The following HTR4 variants were observed in gnomAD, a reference collection of about 807,000 sequenced individuals.
HTR4 encodes the protein 5-hydroxytryptamine receptor 4, also known as 5-hydroxytryptamine (serotonin) receptor 4, G protein-coupled.
In HTR4, 16 loss-of-function variants were observed where a neutral mutation model predicts 36.8. The ratio of observed to expected loss-of-function variants is 0.43; its 90% CI spans 0.29 to 0.66. HTR4 has a LOEUF of 0.66. HTR4 is among the 30% of genes least tolerant of loss of function. HTR4 has a pLI of 0.13. For missense variants in HTR4, 438 were observed against 490.9 expected (o/e 0.89, Z 1.02); for synonymous variants, 189 against 185.1 (o/e 1.02, Z -0.17).
At chr5:148,508,439 A>G (rs550952340) in intron 6 of HTR4, among the ~76,000 whole-genome samples, 1 of 152,184 alleles carries the variant, frequency 6.6e-6, no homozygotes, top group Non-Finnish European at 1.5e-5. Flanking sequence ...ATTTAACTCC[A>G]AAGTCACTTC....
At chr5:148,625,368 A>G (rs956268832) in intron 2 of HTR4, among the ~76,000 whole-genome samples, 2 of 152,220 alleles carry the variant, frequency 1.3e-5, no homozygotes, top group African/African-American at 4.8e-5. Flanking sequence ...GTAAAACCTC[A>G]TCAGTTCAAC....
At chr5:148,592,769 T>C (rs534031697) in intron 2 of HTR4, among the ~76,000 whole-genome samples, 55 of 152,156 alleles carry the variant, frequency 3.6e-4, no homozygotes, top group Non-Finnish European at 6.8e-4. Flanking sequence ...TATAAACTAA[T>C]TTATTTTCCT....
chr5:148,469,600 G>T (rs905757035), intron 5 of HTR4, among the ~76,000 whole-genome samples: 1 of 152,200 alleles, frequency 6.6e-6, no homozygotes, highest in Non-Finnish European at 1.5e-5. Context: ...GGTTGTGTTT[G>T]TTTGGTCAGA....
intron 5 of HTR4, among the ~76,000 whole-genome samples, chr5:148,466,737 T>C (rs928722642): frequency 2.6e-5 from 4 of 152,234 alleles, no homozygotes; most frequent in African/African-American, 9.6e-5. Flanking sequence ...ATATAAATAA[T>C]TCCTGGTATA....
intron 4 of HTR4, among the ~76,000 whole-genome samples, chr5:148,547,663 G>A (rs1167287304): frequency 1.3e-5 from 2 of 151,978 alleles, no homozygotes; most frequent in African/African-American, 2.4e-5. Flanking sequence ...GAGGCTGAAG[G>A]CTGAGGATAA....
intron 5 of HTR4, chr5:148,461,886 A>C (rs1224898167): frequency 1.3e-5 from 2 of 152,088 alleles, no homozygotes; most frequent in Non-Finnish European, 2.9e-5. Flanking sequence ...AACAAATGTA[A>C]AAGAATAGAA....
chr5:148,650,422 A>G (rs992294392), intron 1 of HTR4, among the ~76,000 whole-genome samples: 2 of 152,238 alleles, frequency 1.3e-5, no homozygotes, highest in African/African-American at 2.4e-5. Flanking sequence ...GGCTAGCCCT[A>G]TGAATAAGTC....
At chr5:148,465,416 CT>C (rs1205079176) in intron 5 of HTR4, among the ~76,000 whole-genome samples, 2 of 152,162 alleles carry the variant, frequency 1.3e-5, no homozygotes, top group East Asian at 3.9e-4. Context: ...CTTTAGAAAA[CT>C]TTTTTAAAAA....
intron 2 of HTR4, among the ~76,000 whole-genome samples, chr5:148,586,833 T>C (rs535491832): frequency 6.6e-6 from 1 of 152,346 alleles, no homozygotes; most frequent in East Asian, 1.9e-4. Flanking sequence ...AACTGATGAT[T>C]TGACTATGAG....
intron 4 of HTR4, among the ~76,000 whole-genome samples, chr5:148,538,036 TC>T (rs1758917583): frequency 6.6e-6 from 1 of 152,058 alleles, no homozygotes; most frequent in Non-Finnish European, 1.5e-5. Flanking sequence ...TCCACCACAA[TC>T]AAGTAAGCTT....
intron 2 of HTR4, among the ~76,000 whole-genome samples, chr5:148,618,412 T>G (rs1297227815): frequency 6.6e-6 from 1 of 152,216 alleles, no homozygotes; most frequent in African/African-American, 2.4e-5. Flanking sequence ...TTATGGACCG[T>G]ATCAACCAGC....
At chr5:148,581,680 T>C (rs1310258387) in intron 2 of HTR4, among the ~76,000 whole-genome samples, 2 of 152,122 alleles carry the variant, frequency 1.3e-5, no homozygotes, top group Admixed American at 6.6e-5. Flanking sequence ...CCTACTATTC[T>C]GTTCCATTGA....
In HTR4 at chr5:148,641,371, C is replaced by T. The variant is rs567831215; in HGVS notation, c.-47-4310G>A. 2.6e-5 allele frequency among the ~76,000 whole-genome samples: 4 copies of T among 152,224 alleles called. No individual in the cohort carries two copies. The East Asian group carries it at 7.7e-4, about 29-fold the overall frequency. ...GTCACGCTGTACTCTACCATCTGGACTAAGGTACAAGAAATTATACCCTCC... is the reference window on the plus strand; with the variant it reads ...GTCACGCTGTACTCTACCATCTGGATTAAGGTACAAGAAATTATACCCTCC... On this transcript the variant is annotated intron_variant, in intron 1 of 6. Transcript: ENST00000377888.
At chr5:148,464,212 G>A (rs572700449) in intron 5 of HTR4, among the ~76,000 whole-genome samples, 1 of 151,940 alleles carries the variant, frequency 6.6e-6, no homozygotes, top group Non-Finnish European at 1.5e-5. Context: ...AACACCAAAC[G>A]TACAATTCAT....
intron 2 of HTR4, among the ~76,000 whole-genome samples, chr5:148,598,381 C>A (rs1761861149): frequency 6.6e-6 from 1 of 152,010 alleles, no homozygotes; most frequent in Non-Finnish European, 1.5e-5. Flanking sequence ...CCCATCTCTA[C>A]TAAAAATACA....
chr5:148,475,027 A>G (rs1755662145), downstream of HTR4, among the ~76,000 whole-genome samples: 1 of 147,192 alleles, frequency 6.8e-6, no homozygotes, highest in Admixed American at 7.1e-5. Context: ...CCTGGATGAC[A>G]GAGTGAGACT....
chr5:148,503,964 C>T (rs1015521148), intron 6 of HTR4, among the ~76,000 whole-genome samples: 15 of 152,146 alleles, frequency 9.9e-5, no homozygotes, highest in African/African-American at 3.1e-4. Flanking sequence ...TAGATATGCA[C>T]CCAATACAGG....
intron 2 of HTR4, among the ~76,000 whole-genome samples, chr5:148,621,549 T>G (rs577507167): frequency 6.6e-6 from 1 of 152,356 alleles, no homozygotes; most frequent in South Asian, 2.1e-4. Flanking sequence ...ACGACTGTTT[T>G]GAGGCTGTGG....
chr5:148,477,687 A>T (rs943328356), downstream of HTR4, among the ~76,000 whole-genome samples: 1 of 152,224 alleles, frequency 6.6e-6, no homozygotes, highest in African/African-American at 2.4e-5. Flanking sequence ...GCTGACATGT[A>T]GTAACTGGTA....
Sources: allele counts gnomAD v4.1 joint callset (sites outside exome capture counted in the v4.1 genomes callset), GRCh38; gene constraint gnomAD v4.1.1; transcripts MANE v1.5; gene names NCBI Gene and HGNC (gene_info 2026-07-23, HGNC 2026-07-21).